The following ARPP21 variants were observed in gnomAD, a reference collection of about 807,000 sequenced individuals.
ARPP21 encodes the protein cAMP regulated phosphoprotein 21.
Under a neutral mutation model 113.2 loss-of-function variants are expected in ARPP21, and 69 were observed. That is an observed-to-expected ratio of 0.61 (90% confidence interval 0.50 to 0.74). The LOEUF (loss-of-function observed/expected upper bound fraction) is 0.74, where lower values mean the gene tolerates loss of function less well. Among genes scored for constraint, ARPP21 ranks in the 30% least tolerant of loss-of-function variants. ARPP21 has a pLI of 0.00. For synonymous variants in ARPP21, 368 were observed against 375.5 expected, an observed-to-expected ratio of 0.98 and a Z score of 0.23; for missense variants, 1,070 against 1,037.4, an observed-to-expected ratio of 1.03 and a Z score of -0.43.
In ARPP21 at chr3:35,739,532, C is replaced by A. The variant is rs772902776; in HGVS notation, c.1965C>A (p.Pro655=). The part of the protein sequence containing the change: ...GPPISQQVLQ[P]PPSPQGFVQQ... Reference sequence around the variant, plus strand: ...CCATCTCCCAGCAGGTCCTCCAGCCCCCTCCCTCACCACAGGGATTTGTGC... The same window carrying A: ...CCATCTCCCAGCAGGTCCTCCAGCCACCTCCCTCACCACAGGGATTTGTGC... Residue 655 remains proline, a synonymous_variant, in exon 18 of 21, where the codon CCC becomes CCA. Coordinates refer to ENST00000684406, the MANE Select transcript of ARPP21 (RefSeq NM_001385562.1). The A allele has an allele frequency of 4.3e-6, 7 of 1,613,902 alleles. No individual in the cohort carries two copies. Among genetic ancestry groups the A allele is most frequent in the Non-Finnish European group, 5.9e-6 (7 of 1,179,950 alleles).
At chr3:35,662,100 T>A (rs899700473) in intron 1 of ARPP21, among the ~76,000 whole-genome samples, 5 of 152,146 alleles carry the variant, frequency 3.3e-5, no homozygotes, top group African/African-American at 1.2e-4. Flanking sequence ...TAGGATGAGA[T>A]TTCAGGTGTA....
intron 10 of ARPP21, among the ~76,000 whole-genome samples, chr3:35,708,331 G>C (rs984117157): frequency 6.6e-6 from 1 of 152,180 alleles, no homozygotes; most frequent in South Asian, 2.1e-4. Context: ...TTACTTTAGA[G>C]TTCTTGGTAT....
rs138835262 is a variant in ARPP21, at chr3:35,716,083, C to A, written c.935+607C>A. On this transcript the variant is annotated intron_variant, in intron 12 of 20. Coordinates refer to ENST00000684406, the MANE Select transcript of ARPP21 (RefSeq NM_001385562.1). ...ATGGGTTATAAAATTTAAAGAAAAT[C>A]TTGGTGATAAGAGCAAAAATTTTTC... is the stretch of plus-strand genomic sequence containing the variant. 8.5e-5 allele frequency among the ~76,000 whole-genome samples: 13 copies of A among 152,050 alleles called. No individual in the cohort carries two copies. In the East Asian group the frequency reaches 2.5e-3, roughly 29 times the overall value.
At chr3:35,788,857 TCA>T (rs1213290480) in intron 19 of ARPP21, among the ~76,000 whole-genome samples, 3 of 152,356 alleles carry the variant, frequency 2.0e-5, no homozygotes, top group African/African-American at 7.2e-5. Context: ...TATTCCATTT[TCA>T]GATTGATACA....
At chr3:35,700,991 G>A (rs1237019898) in intron 9 of ARPP21, among the ~76,000 whole-genome samples, 6 of 151,586 alleles carry the variant, frequency 4.0e-5, no homozygotes, top group Non-Finnish European at 7.4e-5. Context: ...AAGCCTGCAC[G>A]TTGTGCACAT....
rs747193852 is a variant in ARPP21, at chr3:35,683,982, A to C, written c.261+167A>C. 2.8e-5 allele frequency: 38 copies of C among 1,371,818 alleles called. No individual in the cohort carries two copies. In the East Asian group the frequency reaches 7.8e-4, roughly 28 times the overall value. The allele number at this position is 1,371,818 out of a possible 1,614,324, so 85.0% of individuals were successfully genotyped here. ...CTTATGCAACATTCTAAAATAGTTT[A>C]ATGGTTTGTCACAGAGTATTAAATT... On this transcript the variant is annotated intron_variant, in intron 5 of 20. Coordinates refer to ENST00000684406, the MANE Select transcript of ARPP21 (RefSeq NM_001385562.1).
Position 35,739,534 on chromosome 3 carries a change from C to T in ARPP21, c.1967C>T (p.Pro656Leu), listed in dbSNP as rs765875543. Reference sequence around the variant, plus strand: ...ATCTCCCAGCAGGTCCTCCAGCCCCCTCCCTCACCACAGGGATTTGTGCAA... The same window carrying T: ...ATCTCCCAGCAGGTCCTCCAGCCCCTTCCCTCACCACAGGGATTTGTGCAA... ...PPISQQVLQP[P>L]PSPQGFVQQP... Residue 656 changes from proline (P) to leucine (L), a missense_variant, in exon 18 of 21, where the codon CCT becomes CTT. Physicochemically the swap from Pro to Leu is moderately conservative, Grantham distance 98. Coordinates refer to ENST00000684406, the MANE Select transcript of ARPP21 (RefSeq NM_001385562.1). 6.2e-7 allele frequency: 1 copy of T among 1,614,042 alleles called. No individual in the cohort carries two copies. Among genetic ancestry groups the T allele is most frequent in the Non-Finnish European group, 8.5e-7 (1 of 1,179,944 alleles).
chr3:35,766,817 CTCA>C (rs1221008272), intron 19 of ARPP21, among the ~76,000 whole-genome samples: 2 of 150,814 alleles, frequency 1.3e-5, no homozygotes, highest in Non-Finnish European at 3.0e-5. Flanking sequence ...AATTAAGAAG[CTCA>C]TATTATACAT....
chr3:35,728,333 G>A (rs954189305), intron 14 of ARPP21, among the ~76,000 whole-genome samples: 8 of 147,764 alleles, frequency 5.4e-5, no homozygotes, highest in South Asian at 4.3e-4. Flanking sequence ...ATTCTCCTGC[G>A]TCAGCCTCCT....
chr3:35,654,538 T>C (rs1349474117), intron 1 of ARPP21, among the ~76,000 whole-genome samples: 3 of 152,130 alleles, frequency 2.0e-5, no homozygotes, highest in Admixed American at 1.3e-4. Flanking sequence ...GAAAAACTTA[T>C]ATAAGAATTA....
chr3:35,762,602 A>G (rs982481415), intron 19 of ARPP21, among the ~76,000 whole-genome samples: 2 of 152,106 alleles, frequency 1.3e-5, no homozygotes, highest in Admixed American at 1.3e-4. Flanking sequence ...CAACCATTTG[A>G]TACGAGTTGT....
chr3:35,765,269 C>T (rs1298362352), intron 19 of ARPP21, among the ~76,000 whole-genome samples: 1 of 152,076 alleles, frequency 6.6e-6, no homozygotes, highest in Non-Finnish European at 1.5e-5. Flanking sequence ...GCAGGATTGC[C>T]TTGCCCTCAT....
chr3:35,758,569 C>G (rs899141061), intron 19 of ARPP21, among the ~76,000 whole-genome samples: 2 of 151,574 alleles, frequency 1.3e-5, no homozygotes, highest in Admixed American at 6.6e-5. Context: ...TCCTTAGCAA[C>G]AGGAATGTGA....
intron 19 of ARPP21, among the ~76,000 whole-genome samples, chr3:35,787,815 A>G (rs2096663788): frequency 1.3e-5 from 2 of 152,224 alleles, no homozygotes; most frequent in Admixed American, 1.3e-4. Flanking sequence ...AGAAGAATGT[A>G]TAAATAAATG....
intron 1 of ARPP21, among the ~76,000 whole-genome samples, chr3:35,644,870 A>G (rs771201683): frequency 9.9e-5 from 15 of 151,896 alleles, no homozygotes; most frequent in Non-Finnish European, 1.9e-4. Flanking sequence ...GATTTGCCCA[A>G]AGAAATGTCT....
chr3:35,685,790 A>AT, intron 5 of ARPP21: 2 of 888,482 alleles, frequency 2.3e-6, no homozygotes, highest in South Asian at 1.0e-4. Flanking sequence ...GTTGTTGGAT[A>AT]TAAACTTATC....
intron 19 of ARPP21, among the ~76,000 whole-genome samples, chr3:35,747,180 G>A (rs573609177): frequency 3.9e-5 from 6 of 152,002 alleles, no homozygotes; most frequent in African/African-American, 1.2e-4. Context: ...GTGAAACCCC[G>A]TCTCTACTAA....
At chr3:35,737,474 CAAAT>C (rs2094428586) in intron 16 of ARPP21, 112 bp downstream of exon 16, 4 of 645,830 alleles carry the variant, frequency 6.2e-6, no homozygotes, top group Non-Finnish European at 9.8e-6. Context: ...TCAAGCCTCA[CAAAT>C]AAAACCTGGC....
intron 15 of ARPP21, among the ~76,000 whole-genome samples, chr3:35,734,053 C>G (rs983265907): frequency 6.6e-6 from 1 of 152,130 alleles, no homozygotes; most frequent in Non-Finnish European, 1.5e-5. Flanking sequence ...AGTAAAAATC[C>G]TTTCTTTTTC....
Sources: allele counts gnomAD v4.1 joint callset (sites outside exome capture counted in the v4.1 genomes callset), GRCh38; gene constraint gnomAD v4.1.1; transcripts MANE v1.5; gene names NCBI Gene and HGNC (gene_info 2026-07-23, HGNC 2026-07-21).